The following CNGB3 variants were observed in gnomAD, a reference collection of about 807,000 sequenced individuals.
CNGB3 encodes the protein cyclic nucleotide gated channel subunit beta 3.
In CNGB3, 86 loss-of-function variants were observed where a neutral mutation model predicts 92.8. The ratio of observed to expected loss-of-function variants is 0.93; its 90% CI spans 0.78 to 1.11. The LOEUF is 1.11. CNGB3 is among the 50% of genes least tolerant of loss of function. The pLI is 0.00. For missense variants in CNGB3, 1,026 were observed against 956.8 expected, an observed-to-expected ratio of 1.07 and a Z score of -0.95; for synonymous variants, 333 against 332.7, an observed-to-expected ratio of 1.00 and a Z score of -0.01.
intron 12 of CNGB3, among the ~76,000 whole-genome samples, chr8:86,627,910 T>C (rs1424976570): frequency 6.6e-6 from 1 of 152,170 alleles, no homozygotes; most frequent in East Asian, 1.9e-4. Flanking sequence ...AACTCCTTTT[T>C]CTCCTTCTCC....
At chr8:86,653,779 A>T (rs1209440237) in intron 7 of CNGB3, among the ~76,000 whole-genome samples, 2 of 152,148 alleles carry the variant, frequency 1.3e-5, no homozygotes, top group Non-Finnish European at 2.9e-5. Flanking sequence ...TAGAATTCAA[A>T]TCTGGGCACT....
chr8:86,734,817 A>C (rs530186575), intron 2 of CNGB3, among the ~76,000 whole-genome samples: 1 of 152,222 alleles, frequency 6.6e-6, no homozygotes, highest in African/African-American at 2.4e-5. Context: ...CATTTATGCT[A>C]TCTGGCTTGT....
rs2131618977 is a variant in CNGB3 at position 86,671,017 on chromosome 8, A to T, written c.420T>A (p.Arg140=). 6.2e-7 allele frequency: 1 copy of T among 1,613,626 alleles called. No individual in the cohort carries two copies. Residue 140 remains arginine (R), a synonymous_variant, in exon 4 of 18, where the codon CGT becomes CGA. Transcript: ENST00000320005. ...TTTTCTTGTAGAGGGCTGTTCTTTG[A>T]CGCATTCTTTTCACCAGGTTGTGTA... ...AQLHNLVKRM[R]QRTALYKKKL...
chr8:86,681,424 G>A (rs1001403972), intron 3 of CNGB3, among the ~76,000 whole-genome samples: 7 of 152,142 alleles, frequency 4.6e-5, no homozygotes, highest in Non-Finnish European at 7.4e-5. Flanking sequence ...AAGTACACAA[G>A]GAAAGTAAGA....
intron 13 of CNGB3, among the ~76,000 whole-genome samples, chr8:86,619,328 G>A (rs1017160830): frequency 2.0e-5 from 3 of 152,122 alleles, no homozygotes; most frequent in Admixed American, 1.3e-4. Context: ...AGAAATGAGG[G>A]GAAATTGCCC....
chr8:86,741,036 GT>G (rs1825331520), intron 1 of CNGB3, among the ~76,000 whole-genome samples: 1 of 152,094 alleles, frequency 6.6e-6, no homozygotes, highest in Non-Finnish European at 1.5e-5. Context: ...CTGATTTGCA[GT>G]TCTTAAATTA....
intron 2 of CNGB3, among the ~76,000 whole-genome samples, chr8:86,732,710 A>G (rs939308260): frequency 6.6e-6 from 1 of 152,176 alleles, no homozygotes; most frequent in East Asian, 1.9e-4. Flanking sequence ...AAAGCATGTA[A>G]TATTTATCTT....
chr8:86,607,848 A>AT (rs775473629), intron 14 of CNGB3, among the ~76,000 whole-genome samples: 2 of 152,054 alleles, frequency 1.3e-5, no homozygotes, highest in Non-Finnish European at 2.9e-5. Flanking sequence ...AATTGAACGT[A>AT]TTTTTTTCCT....
intron 15 of CNGB3, among the ~76,000 whole-genome samples, chr8:86,589,592 A>G (rs1401873568): frequency 1.3e-5 from 2 of 152,002 alleles, no homozygotes; most frequent in South Asian, 4.2e-4. Context: ...TCATTTCGTT[A>G]TGTACCCAGT....
At chr8:86,583,457 T>C (rs992544176) in intron 15 of CNGB3, among the ~76,000 whole-genome samples, 1 of 152,010 alleles carries the variant, frequency 6.6e-6, no homozygotes. Flanking sequence ...TAAGTATAAT[T>C]ATTATGCTAA....
At chr8:86,658,745 C>T (rs563802828) in intron 6 of CNGB3, 80 of 495,322 alleles carry the variant, frequency 1.6e-4, no homozygotes, top group Non-Finnish European at 2.7e-4. Flanking sequence ...TCTCCATGTT[C>T]TCATTGTTCA....
intron 6 of CNGB3, among the ~76,000 whole-genome samples, chr8:86,656,547 T>A (rs1823508321): frequency 1.3e-5 from 2 of 152,168 alleles, no homozygotes; most frequent in African/African-American, 2.4e-5. Flanking sequence ...CCCCACTTAA[T>A]TATCTCTCCC....
At chr8:86,646,862 T>C (rs769295111) in intron 8 of CNGB3, among the ~76,000 whole-genome samples, 15 of 151,208 alleles carry the variant, frequency 9.9e-5, no homozygotes, top group Non-Finnish European at 1.8e-4. Context: ...TTATGTCTTA[T>C]AACCATTTTG....
intron 3 of CNGB3, among the ~76,000 whole-genome samples, chr8:86,678,984 G>T (rs1216127152): frequency 6.6e-6 from 1 of 151,850 alleles, no homozygotes; most frequent in East Asian, 1.9e-4. Flanking sequence ...ATTTTTTTGG[G>T]AGTAGAAAAT....
At chr8:86,638,138 C>T (rs1823110831) in intron 10 of CNGB3, among the ~76,000 whole-genome samples, 2 of 152,062 alleles carry the variant, frequency 1.3e-5, no homozygotes, top group African/African-American at 4.8e-5. Flanking sequence ...AATACCTAGC[C>T]TGCCTCAAGT....
intron 3 of CNGB3, among the ~76,000 whole-genome samples, chr8:86,708,711 G>T (rs976675062): frequency 6.6e-6 from 1 of 151,678 alleles, no homozygotes; most frequent in African/African-American, 2.4e-5. Context: ...GGGACTGCAG[G>T]CATGTGCCAC....
At chr8:86,675,824 A>G (rs1011222314) in intron 3 of CNGB3, among the ~76,000 whole-genome samples, 5 of 152,364 alleles carry the variant, frequency 3.3e-5, no homozygotes, top group South Asian at 4.1e-4. Flanking sequence ...GATGAAAAAG[A>G]AAAGAACTAT....
At chr8:86,680,211 ATGT>A (rs1824056202) in intron 3 of CNGB3, among the ~76,000 whole-genome samples, 1 of 152,230 alleles carries the variant, frequency 6.6e-6, no homozygotes, top group African/African-American at 2.4e-5. Flanking sequence ...ACAGAAAAAA[ATGT>A]TGTGAAAACT....
chr8:86,586,419 C>T lies in CNGB3; in HGVS notation c.1782-7167G>A, dbSNP rs541906161. Among the ~76,000 whole-genome samples the T allele has an allele frequency of 4.9e-4, 74 of 151,240 alleles. 1 individual carries two copies. The highest frequency in any genetic ancestry group is 1.8e-3 in the African/African-American group (74 of 41,094). Reference sequence around the variant, plus strand: ...GTTACATATGTATACATGTGCCATGCTGGTGTGCTGCACCCACTAACTCGA... The same window carrying T: ...GTTACATATGTATACATGTGCCATGTTGGTGTGCTGCACCCACTAACTCGA... On this transcript the variant is annotated intron_variant, in intron 15 of 17. Coordinates refer to ENST00000320005, the MANE Select transcript of CNGB3 (RefSeq NM_019098.5).
Sources: allele counts gnomAD v4.1 joint callset (sites outside exome capture counted in the v4.1 genomes callset), GRCh38; gene constraint gnomAD v4.1.1; transcripts MANE v1.5; gene names NCBI Gene and HGNC (gene_info 2026-07-23, HGNC 2026-07-21).